Variants in ANK2 observed in about 807,000 individuals in gnomAD.
The protein encoded by ANK2 is ankyrin-2.
A neutral mutation model predicts 360.5 loss-of-function variants in ANK2; 83 were observed. The ratio of observed to expected loss-of-function variants is 0.23; its 90% CI spans 0.19 to 0.28. ANK2 has a LOEUF of 0.28. Ranked by LOEUF, ANK2 falls within the 10% of genes least tolerant of loss-of-function variation. The probability of loss-of-function intolerance (pLI) is 1.00; values close to 1 mark genes in which losing one functional copy is unlikely to be tolerated. For missense variants in ANK2, 4,201 were observed against 4,795.7 expected, an observed-to-expected ratio of 0.88 and a Z score of 3.66; for synonymous variants, 1,740 against 1,759.5, an observed-to-expected ratio of 0.99 and a Z score of 0.28.
intron 4 of ANK2, among the ~76,000 whole-genome samples, chr4:113,207,686 C>CAAAAAAAAAAAAAAAAAAAAAAAGA: frequency 9.8e-6 from 1 of 101,654 alleles, no homozygotes; most frequent in Non-Finnish European, 2.0e-5. Context: ...GATCACAAAG[C>CAAAAAAAAAAAAAAAAAAAAAAAGA]AAAAAAAAAA....
chr4:113,152,420 T>A (rs1186330016), intron 1 of ANK2: 1 of 152,172 alleles, frequency 6.6e-6, no homozygotes, highest in Non-Finnish European at 1.5e-5. Context: ...GCCCCTTTAA[T>A]CAAAACTTAT....
chr4:112,976,216 C>G (rs1185513835), intron 2 of ANK2, among the ~76,000 whole-genome samples: 1 of 143,662 alleles, frequency 7.0e-6, no homozygotes, highest in African/African-American at 2.7e-5. Context: ...TTTTTTTGGA[C>G]AAAATCTGAG....
At chr4:113,003,674 G>A (rs1300963031) in intron 2 of ANK2, among the ~76,000 whole-genome samples, 1 of 152,044 alleles carries the variant, frequency 6.6e-6, no homozygotes, top group Non-Finnish European at 1.5e-5. Flanking sequence ...GTTTGAGAAA[G>A]TGATCTTGTG....
chr4:112,917,413 C>A lies in ANK2; in HGVS notation c.21+12899C>A, dbSNP rs112218571. On this transcript the variant is annotated intron_variant, in intron 2 of 30. Transcript: ENST00000503271. ...GAAGCAATATACTTATCCTCCACCACCAACACTGCCATGATCAGAATTCCT... is the reference window on the plus strand; with the variant it reads ...GAAGCAATATACTTATCCTCCACCAACAACACTGCCATGATCAGAATTCCT... 8.3e-3 allele frequency among the ~76,000 whole-genome samples: 1,260 copies of A among 152,278 alleles called. 13 individuals carry two copies. The highest frequency in any genetic ancestry group is 0.029 in the African/African-American group (1,198 of 41,542).
At chr4:113,310,017 C>T (rs1175196257) in intron 23 of ANK2, among the ~76,000 whole-genome samples, 1 of 152,216 alleles carries the variant, frequency 6.6e-6, no homozygotes, top group Non-Finnish European at 1.5e-5. Context: ...GATGTAGAGT[C>T]ATTCCAGCCA....
chr4:113,082,133 A>C (rs767926911), intron 1 of ANK2, among the ~76,000 whole-genome samples: 2 of 152,154 alleles, frequency 1.3e-5, no homozygotes, highest in East Asian at 3.8e-4. Flanking sequence ...TCTTTTAATT[A>C]GTTCTATTAA....
At chr4:113,107,818 A>C (rs1024119392) in intron 1 of ANK2, among the ~76,000 whole-genome samples, 9 of 152,186 alleles carry the variant, frequency 5.9e-5, no homozygotes, top group Non-Finnish European at 8.8e-5. Flanking sequence ...CATTCATGTG[A>C]AATGAGATTG....
chr4:113,326,872 A>ATG lies in ANK2; in HGVS notation c.2901-3373_2901-3372dup, dbSNP rs552930075. 4.2e-4 allele frequency among the ~76,000 whole-genome samples: 64 copies of ATG among 152,248 alleles called. No homozygotes were observed. In the East Asian group the frequency reaches 8.5e-3, roughly 20 times the overall value. On this transcript the variant is annotated intron_variant, in intron 26 of 45. Transcript: ENST00000357077. ...AAACAAACATTAGCCAGGTGCAATGATGCTGCCTGTATTCCCAGCTACTTG... is the reference window on the plus strand; with the variant it reads ...AAACAAACATTAGCCAGGTGCAATGATGTGCTGCCTGTATTCCCAGCTACTTG...
chr4:112,976,748 A>C (rs1205768480), intron 2 of ANK2, among the ~76,000 whole-genome samples: 1 of 151,726 alleles, frequency 6.6e-6, no homozygotes, highest in African/African-American at 2.4e-5. Context: ...CTCCCAAAAC[A>C]TTACGCTTAG....
At chr4:113,301,534 T>TG (rs1484853221) in intron 22 of ANK2, among the ~76,000 whole-genome samples, 1 of 152,162 alleles carries the variant, frequency 6.6e-6, no homozygotes, top group Non-Finnish European at 1.5e-5. Context: ...TACTACATTG[T>TG]TATTAACTGT....
At chr4:112,974,516 AG>A (rs761552858) in intron 2 of ANK2, among the ~76,000 whole-genome samples, 2 of 152,218 alleles carry the variant, frequency 1.3e-5, no homozygotes, top group African/African-American at 2.4e-5. Context: ...AGTAAAAGGA[AG>A]GAAGAGATAA....
the ANK2 span, among the ~76,000 whole-genome samples, chr4:112,720,024 A>C: frequency 6.6e-6 from 1 of 152,158 alleles, no homozygotes; most frequent in Admixed American, 6.6e-5. Flanking sequence ...AAAGAGCTGT[A>C]CTTATTATCA....
the ANK2 span, among the ~76,000 whole-genome samples, chr4:112,776,984 A>C: frequency 6.6e-6 from 1 of 152,154 alleles, no homozygotes. Flanking sequence ...ATATCCTGAG[A>C]TCTCCTATTA....
chr4:112,967,547 C>A (rs2037777684), intron 2 of ANK2, among the ~76,000 whole-genome samples: 1 of 152,084 alleles, frequency 6.6e-6, no homozygotes, highest in African/African-American at 2.4e-5. Context: ...TTAAAAAAAT[C>A]TGTGAAAAGG....
intron 1 of ANK2, among the ~76,000 whole-genome samples, chr4:113,078,231 T>C (rs1320424352): frequency 1.3e-5 from 2 of 152,250 alleles, no homozygotes; most frequent in African/African-American, 2.4e-5. Context: ...TACTTTGTAA[T>C]GTGATCTCAA....
At chr4:112,917,832 T>A (rs1334124463) in intron 2 of ANK2, among the ~76,000 whole-genome samples, 1 of 152,220 alleles carries the variant, frequency 6.6e-6, no homozygotes, top group East Asian at 1.9e-4. Context: ...TCTGACTTTA[T>A]GGGTCAATAA....
chr4:113,240,365 G>A (rs2039106202), intron 7 of ANK2, 120 bp from the exon 8 acceptor site: 2 of 745,516 alleles, frequency 2.7e-6, no homozygotes, highest in East Asian at 2.7e-5. Flanking sequence ...TCTTACTAAA[G>A]CATTTATTAT....
At chr4:112,988,847 C>T (rs1052635981) in intron 2 of ANK2, among the ~76,000 whole-genome samples, 8 of 146,194 alleles carry the variant, frequency 5.5e-5, no homozygotes, top group African/African-American at 2.2e-4. Context: ...CTACTCATGG[C>T]TTTTAACCAG....
At chr4:112,983,378 TAA>T (rs55756054) in intron 2 of ANK2, among the ~76,000 whole-genome samples, 45 of 143,204 alleles carry the variant, frequency 3.1e-4, no homozygotes, top group Admixed American at 4.9e-4. Flanking sequence ...ATTATTGGGT[TAA>T]AAAAAAAAAA....
Sources: gnomAD v4.1 joint callset for allele counts (sites outside exome capture counted in the v4.1 genomes callset) on GRCh38, gnomAD v4.1.1 for gene constraint, MANE v1.5 for transcripts, NCBI Gene and HGNC (gene_info 2026-07-23, HGNC 2026-07-21) for gene names.